PDCD6IP: variants seen among roughly 807,000 people sequenced by gnomAD.
PDCD6IP encodes programmed cell death 6-interacting protein.
PDCD6IP carries 43 observed loss-of-function variants against 103.7 expected under a neutral mutation model. The ratio of observed to expected loss-of-function variants is 0.41; its 90% CI spans 0.32 to 0.53. The LOEUF (loss-of-function observed/expected upper bound fraction) is 0.53. PDCD6IP is among the 20% of genes least tolerant of loss of function. The probability of loss-of-function intolerance (pLI) is 0.16; values close to 1 mark genes in which losing one functional copy is unlikely to be tolerated. For missense variants in PDCD6IP, 871 were observed against 1,036.7 expected, an observed-to-expected ratio of 0.84 and a Z score of 2.20; for synonymous variants, 354 against 378.7, an observed-to-expected ratio of 0.93 and a Z score of 0.76.
chr3:33,808,348 A>G (rs1696641952), intron 1 of PDCD6IP, among the ~76,000 whole-genome samples: 1 of 152,106 alleles, frequency 6.6e-6, no homozygotes, highest in South Asian at 2.1e-4. Flanking sequence ...ATCACAGCTC[A>G]CTTCAGCCTT....
rs781220962 is a variant in PDCD6IP at position 33,866,452 on chromosome 3, C to T, written c.2534C>T (p.Pro845Leu). ...TATCACCAGAGTCCTGGACAGGCTC[C>T]ATACCCGGGACCCCAGCAGCCTTCA... ...PVYHQSPGQA[P>L]YPGPQQPSYP... Residue 845 changes from proline to leucine, a missense_variant, in exon 18 of 18, where the codon CCA (proline) becomes CTA (leucine). Around this residue, in one of 5 missense-constraint regions of PDCD6IP, gnomAD observed 202 missense variants for 205.2 expected, o/e 0.98. Coordinates refer to ENST00000307296, the MANE Select transcript of PDCD6IP (RefSeq NM_013374.6). 2.3e-5 allele frequency: 37 copies of T among 1,612,146 alleles called. No homozygotes were observed. The highest frequency in any genetic ancestry group is 3.0e-5 in the Non-Finnish European group (35 of 1,179,346).
At chr3:33,840,360 G>T (rs1261990614) in intron 9 of PDCD6IP, among the ~76,000 whole-genome samples, 2 of 152,206 alleles carry the variant, frequency 1.3e-5, no homozygotes, top group Non-Finnish European at 2.9e-5. Flanking sequence ...TGGTCTTGCT[G>T]TCTTACAGGT....
chr3:33,819,434 T>A (rs1696938286), intron 3 of PDCD6IP, among the ~76,000 whole-genome samples: 1 of 152,244 alleles, frequency 6.6e-6, no homozygotes, highest in South Asian at 2.1e-4. Context: ...TCAGTTCGCA[T>A]TGCTCTTCCT....
rs904971630 is a variant in PDCD6IP, at chr3:33,868,198, G to A, written c.*1673G>A. On this transcript the variant is annotated 3_prime_UTR_variant, in exon 18 of 18. Coordinates refer to ENST00000307296, the MANE Select transcript of PDCD6IP (RefSeq NM_013374.6). ...TTTGACTTCTGTAAGTGGCATTTAA[G>A]TTCCACATTCTTATTACTTGAGGTA... The A allele has an allele frequency of 2.0e-5, 3 of 152,178 alleles. No individual in the cohort carries two copies. The highest frequency in any genetic ancestry group is 7.2e-5 in the African/African-American group (3 of 41,454). The allele number at this position is 152,178 out of a possible 1,614,324, so 9.4% of individuals were successfully genotyped here.
intron 15 of PDCD6IP, among the ~76,000 whole-genome samples, chr3:33,860,198 A>G (rs1697921510): frequency 1.3e-5 from 2 of 152,218 alleles, no homozygotes; most frequent in Admixed American, 6.5e-5. Flanking sequence ...TCATATATCT[A>G]ATTTAAAAAT....
rs1453205461 is a variant in PDCD6IP, at chr3:33,868,024, A to G, written c.*1499A>G. 1 of 152,202 alleles carries G rather than the reference A, an allele frequency of 6.6e-6. No individual in the cohort carries two copies. The highest frequency in any genetic ancestry group is 1.9e-4 in the East Asian group (1 of 5,204). The allele number at this position is 152,202 out of a possible 1,614,324, so 9.4% of individuals were successfully genotyped here. A position where few individuals can be genotyped will look rare whatever the true frequency, so the allele number is the denominator to read the frequency against. ...TGTTGTGTGTAGGAAACATGAAGGC[A>G]TGTTAATTCAATATAAATGACCTTT... On this transcript the variant is annotated 3_prime_UTR_variant, in exon 18 of 18. Coordinates refer to ENST00000307296, the MANE Select transcript of PDCD6IP (RefSeq NM_013374.6).
intron 15 of PDCD6IP, among the ~76,000 whole-genome samples, chr3:33,862,523 T>A (rs969840520): frequency 2.0e-5 from 3 of 152,204 alleles, no homozygotes; most frequent in Admixed American, 2.0e-4. Context: ...CAATTTACTG[T>A]TAGAGGAGAC....
At chr3:33,799,203 A>G in intron 1 of PDCD6IP, 1 of 551,514 alleles carries the variant, frequency 1.8e-6, no homozygotes, top group Non-Finnish European at 3.2e-6. Flanking sequence ...TGGGAGCAGC[A>G]GTCTGCCCTG....
Position 33,854,015 on chromosome 3 carries a change from T to TATGAA in PDCD6IP, c.2025+3_2025+7dup. The TATGAA allele has an allele frequency of 6.4e-7, 1 of 1,574,752 alleles. No individual in the cohort carries two copies. On this transcript the variant is annotated splice_region_variant and intron_variant, in intron 14 of 17. Transcript: ENST00000307296. Reference sequence around the variant, plus strand: ...GCTAATTTGAAGGAAGGCACAAAGGTATGAAGTACATGCAAAAGGAACCAT... The same window carrying TATGAA: ...GCTAATTTGAAGGAAGGCACAAAGGTATGAAATGAAGTACATGCAAAAGGAACCAT...
At chr3:33,813,960 C>G (rs1231660650) in intron 3 of PDCD6IP, among the ~76,000 whole-genome samples, 2 of 152,106 alleles carry the variant, frequency 1.3e-5, no homozygotes, top group Admixed American at 1.3e-4. Flanking sequence ...CTTTTGAAAG[C>G]AGACAATGTT....
At position 33,825,221 on chromosome 3, in the gene PDCD6IP, C is replaced by T. The variant is rs202035864; in HGVS notation, c.497C>T (p.Thr166Met). Residue 166 changes from threonine (T) to methionine (M), a missense_variant, in exon 5 of 18, where the codon ACG becomes ATG. This residue lies in a region of PDCD6IP where 242 missense variants were observed against 250.7 expected (regional missense o/e 0.97). Coordinates refer to ENST00000307296, the MANE Select transcript of PDCD6IP (RefSeq NM_013374.6). ...ASGAFLHIKE[T>M]VLSALSREPT... ...GGTGCCTTTTTACATATTAAAGAGA[C>T]GGTTTTATCTGCCTTAAGTCGAGAG... 18 of 1,612,120 alleles carry T rather than the reference C, an allele frequency of 1.1e-5. No homozygotes were observed. Among genetic ancestry groups the T allele is most frequent in the African/African-American group, 6.7e-5 (5 of 74,760 alleles).
intron 1 of PDCD6IP, among the ~76,000 whole-genome samples, chr3:33,800,894 A>G (rs1034211401): frequency 2.6e-5 from 4 of 152,154 alleles, no homozygotes; most frequent in African/African-American, 7.2e-5. Context: ...AATGGTTTGG[A>G]TACGGTTCTC....
intron 12 of PDCD6IP, among the ~76,000 whole-genome samples, chr3:33,849,448 C>A (rs1697666360): frequency 6.6e-6 from 1 of 152,124 alleles, no homozygotes; most frequent in Non-Finnish European, 1.5e-5. Context: ...TTTATTTAAT[C>A]CTCTCTGGTC....
Position 33,864,111 on chromosome 3 carries a change from A to G in PDCD6IP, c.2226A>G (p.Pro742=), listed in dbSNP as rs2125454346. ...AGGHAPTPPT[P]APRTMPPTKP... is the part of the protein sequence containing the mutation. ...GACATGCACCAACTCCTCCAACTCC[A>G]GCGCCAAGAACCATGCCGGTTAGTA... Residue 742 remains proline, a synonymous_variant, in exon 16 of 18, where the codon CCA becomes CCG. Coordinates refer to ENST00000307296, the MANE Select transcript of PDCD6IP (RefSeq NM_013374.6). 1 of 1,602,068 alleles carries G rather than the reference A, an allele frequency of 6.2e-7. No homozygotes were observed. Among genetic ancestry groups the G allele is most frequent in the South Asian group, 1.1e-5 (1 of 90,752 alleles).
chr3:33,804,058 G>A (rs1170533670), intron 1 of PDCD6IP, among the ~76,000 whole-genome samples: 2 of 152,120 alleles, frequency 1.3e-5, no homozygotes, highest in Non-Finnish European at 2.9e-5. Flanking sequence ...TTGGATTCTC[G>A]TTGTTGGTTT....
chr3:33,847,998 A>G (rs1311691571), intron 12 of PDCD6IP, among the ~76,000 whole-genome samples: 2 of 151,974 alleles, frequency 1.3e-5, no homozygotes, highest in African/African-American at 4.8e-5. Context: ...AAAACCCTTT[A>G]CCTCCTTACA....
intron 9 of PDCD6IP, among the ~76,000 whole-genome samples, chr3:33,839,619 A>G (rs1350164570): frequency 6.6e-6 from 1 of 152,210 alleles, no homozygotes; most frequent in Non-Finnish European, 1.5e-5. Context: ...TTGGGTAAAT[A>G]CTTAGGAGAC....
In PDCD6IP at chr3:33,864,121, A is replaced by G; in HGVS notation, c.2236A>G (p.Thr746Ala). 6.4e-7 allele frequency: 1 copy of G among 1,568,540 alleles called. No homozygotes were observed. The highest frequency in any genetic ancestry group is 8.8e-7 in the Non-Finnish European group (1 of 1,139,146). Reference protein sequence around the residue: ...APTPPTPAPRTMPPTKPQPPA... With the variant: ...APTPPTPAPRAMPPTKPQPPA... The stretch of plus-strand genomic sequence containing the variant: ...AACTCCTCCAACTCCAGCGCCAAGA[A>G]CCATGCCGGTTAGTAGGCAAATAAA... The change falls in exon 16 of 18, where the codon ACC (threonine) becomes GCC (alanine). Residue 746 changes from threonine to alanine, a missense_variant. Coordinates refer to ENST00000307296, the MANE Select transcript of PDCD6IP (RefSeq NM_013374.6).
intron 15 of PDCD6IP, among the ~76,000 whole-genome samples, chr3:33,859,891 A>C (rs1023500249): frequency 6.6e-6 from 1 of 152,210 alleles, no homozygotes; most frequent in South Asian, 2.1e-4. Context: ...TCATTTCTAC[A>C]TTGCAAATAG....
Sources: allele counts gnomAD v4.1 joint callset (sites outside exome capture counted in the v4.1 genomes callset), GRCh38; gene constraint gnomAD v4.1.1; regional missense constraint gnomAD v4.1.1; transcripts MANE v1.5; gene names NCBI Gene and HGNC (gene_info 2026-07-23, HGNC 2026-07-21).